The following SLC26A7 variants were observed in gnomAD, a reference collection of about 807,000 sequenced individuals.
SLC26A7 encodes anion exchange transporter.
A neutral mutation model predicts 82.5 loss-of-function variants in SLC26A7; 59 were observed. The observed-to-expected ratio is 0.72, with a 90% CI of 0.58 to 0.89. The LOEUF (loss-of-function observed/expected upper bound fraction) is 0.89, where lower values mean the gene tolerates loss of function less well. Among genes scored for constraint, SLC26A7 ranks in the 40% least tolerant of loss-of-function variants. The pLI is 0.00. For missense variants in SLC26A7, 820 were observed against 793.0 expected (o/e 1.03, Z -0.41); for synonymous variants, 271 against 274.3 (o/e 0.99, Z 0.12).
intron 18 of SLC26A7, among the ~76,000 whole-genome samples, 153 bp from the exon 19 acceptor site, chr8:91,394,909 G>A (rs1346213946): frequency 5.3e-5 from 8 of 152,098 alleles, no homozygotes; most frequent in Admixed American, 5.2e-4. Context: ...TGGACCTGGA[G>A]CTTTGAACTG....
At chr8:91,355,607 CCTT>C in intron 11 of SLC26A7, among the ~76,000 whole-genome samples, 1 of 151,488 alleles carries the variant, frequency 6.6e-6, no homozygotes, top group East Asian at 1.9e-4. Flanking sequence ...CTTTTTATCT[CCTT>C]CTGTTTTTCT....
At chr8:91,374,670 T>C (rs1814459347) in intron 15 of SLC26A7, among the ~76,000 whole-genome samples, 1 of 152,054 alleles carries the variant, frequency 6.6e-6, no homozygotes, top group African/African-American at 2.4e-5. Context: ...TTTTACAGAA[T>C]GTTCCATTTG....
At chr8:91,367,430 T>C (rs999688213) in intron 14 of SLC26A7, among the ~76,000 whole-genome samples, 3 of 152,348 alleles carry the variant, frequency 2.0e-5, no homozygotes, top group East Asian at 1.9e-4. Flanking sequence ...ATTATAATGT[T>C]CCAGAATTCT....
At chr8:91,234,181 A>G (rs1464042160) in intron 2 of SLC26A7, among the ~76,000 whole-genome samples, 1 of 152,180 alleles carries the variant, frequency 6.6e-6, no homozygotes, top group African/African-American at 2.4e-5. Context: ...ATGGATGACT[A>G]CCATCTTTCT....
rs1009714757 is a variant in SLC26A7, at chr8:91,396,535, G to A, written c.*1438G>A. On this transcript the variant is annotated 3_prime_UTR_variant, in exon 19 of 19. Transcript: ENST00000276609. ...TGGCCATTAATTTTAACATTAAATC[G>A]TAGGTAGGGCAATGTAGTAAAATGA... The A allele has an allele frequency of 1.4e-4, 21 of 151,968 alleles. No individual in the cohort carries two copies. Among genetic ancestry groups the A allele is most frequent in the African/African-American group, 2.7e-4 (11 of 41,420 alleles). 9.4% of individuals were successfully genotyped at this position (151,968 alleles called of 1,614,324 possible). A position where few individuals can be genotyped will look rare whatever the true frequency, so the allele number is the denominator to read the frequency against.
intron 15 of SLC26A7, among the ~76,000 whole-genome samples, chr8:91,381,190 T>G (rs1814661027): frequency 6.6e-6 from 1 of 152,134 alleles, no homozygotes; most frequent in Non-Finnish European, 1.5e-5. Context: ...ATAAAATTGT[T>G]TATTAATTCC....
chr8:91,319,531 A>G (rs886126996), intron 5 of SLC26A7, among the ~76,000 whole-genome samples: 1 of 152,244 alleles, frequency 6.6e-6, no homozygotes, highest in African/African-American at 2.4e-5. Flanking sequence ...TTCCTGCTCA[A>G]TGATTCATTC....
At chr8:91,280,252 T>C (rs1489976392) in intron 2 of SLC26A7, among the ~76,000 whole-genome samples, 1 of 152,226 alleles carries the variant, frequency 6.6e-6, no homozygotes, top group Admixed American at 6.5e-5. Flanking sequence ...ATGTGGAAGG[T>C]AACTAATTCT....
At chr8:91,372,885 T>G (rs997069412) in intron 15 of SLC26A7, among the ~76,000 whole-genome samples, 1 of 152,040 alleles carries the variant, frequency 6.6e-6, no homozygotes, top group African/African-American at 2.4e-5. Flanking sequence ...TTTGTTTGTG[T>G]CATCTGCAAT....
At chr8:91,215,331 A>G (rs1166213684) in intron 1 of SLC26A7, among the ~76,000 whole-genome samples, 2 of 152,054 alleles carry the variant, frequency 1.3e-5, no homozygotes, top group African/African-American at 2.4e-5. Flanking sequence ...ATCTTATCCA[A>G]ACTTTTTACT....
chr8:91,262,105 T>G (rs911070984), intron 2 of SLC26A7, among the ~76,000 whole-genome samples: 2 of 152,088 alleles, frequency 1.3e-5, no homozygotes, highest in Non-Finnish European at 2.9e-5. Context: ...TGAGAATTTC[T>G]GCTCTACAGC....
At position 91,219,040 on chromosome 8, in the gene SLC26A7, C is replaced by T. The variant is rs1028807980; in HGVS notation, c.-34+35C>T. The stretch of plus-strand genomic sequence containing the variant: ...TCATTCATAGCCTCACTCCACTTGC[C>T]CTGTCAGCTCTGCATACACAGATTA... On this transcript the variant is annotated intron_variant, in intron 2 of 5. Transcript: ENST00000522862. 5.3e-6 allele frequency: 6 copies of T among 1,133,868 alleles called. 1 individual carries two copies. The South Asian group carries it at 5.7e-5, about 11-fold the overall frequency. 70.2% of individuals were successfully genotyped at this position (1,133,868 alleles called of 1,614,324 possible). A position where few individuals can be genotyped will look rare whatever the true frequency, so the allele number is the denominator to read the frequency against.
At chr8:91,275,908 T>G (rs183786339) in intron 2 of SLC26A7, among the ~76,000 whole-genome samples, 50 of 152,284 alleles carry the variant, frequency 3.3e-4, no homozygotes, top group Admixed American at 2.7e-3. Context: ...TTGCTTGGTA[T>G]TTCCACATTT....
chr8:91,212,244 G>A (rs1239944855), intron 1 of SLC26A7, among the ~76,000 whole-genome samples: 2 of 152,082 alleles, frequency 1.3e-5, no homozygotes, highest in Admixed American at 6.5e-5. Context: ...AACCTAAATA[G>A]TCTCATAAAA....
intron 6 of SLC26A7, among the ~76,000 whole-genome samples, chr8:91,336,888 C>A (rs373878320): frequency 6.6e-6 from 1 of 151,778 alleles, no homozygotes; most frequent in East Asian, 1.9e-4. Flanking sequence ...CTTTATAGCT[C>A]TCAATATTTT....
chr8:91,342,122 G>A (rs1586432006), intron 8 of SLC26A7, among the ~76,000 whole-genome samples: 1 of 151,696 alleles, frequency 6.6e-6, no homozygotes, highest in Non-Finnish European at 1.5e-5. Context: ...TAAACATGGG[G>A]GTCTTGCTGT....
rs76313462 is a variant in SLC26A7 at position 91,381,773 on chromosome 8, C to T, written c.1676-7565C>T. On this transcript the variant is annotated intron_variant, in intron 15 of 18. Transcript: ENST00000276609. Reference sequence around the variant, plus strand: ...TTATCTCTCTCTCTTGTTCAAGTAACGCCCTGCTGTACTCTCCTATGCTTT... The same window carrying T: ...TTATCTCTCTCTCTTGTTCAAGTAATGCCCTGCTGTACTCTCCTATGCTTT... Among the ~76,000 whole-genome samples the T allele has an allele frequency of 1.8e-3, 268 of 152,214 alleles. 2 individuals carry two copies. The East Asian group carries it at 0.024, about 13-fold the overall frequency.
rs144075970 is a variant in SLC26A7 at position 91,218,496 on chromosome 8, A to G, written c.-149-394A>G. Among the ~76,000 whole-genome samples the G allele has an allele frequency of 4.2e-3, 644 of 152,322 alleles. 8 individuals are homozygous for G. The highest frequency in any genetic ancestry group is 0.015 in the African/African-American group (626 of 41,592). ...TTTCCATGGCAACTGCATGCTGGGC[A>G]GGTAAAACCAAGATACCCATTAAGA... On this transcript the variant is annotated intron_variant, in intron 1 of 5. Transcript: ENST00000522862.
intron 16 of SLC26A7, 75 bp downstream of exon 16, chr8:91,389,513 C>T: frequency 9.7e-7 from 1 of 1,035,680 alleles, no homozygotes; most frequent in Non-Finnish European, 1.5e-6. Flanking sequence ...ACCTTCTCTC[C>T]ATAGTCTTGA....
Sources: gnomAD v4.1 joint callset for allele counts (sites outside exome capture counted in the v4.1 genomes callset) on GRCh38, gnomAD v4.1.1 for gene constraint, MANE v1.5 for transcripts, NCBI Gene and HGNC (gene_info 2026-07-23, HGNC 2026-07-21) for gene names.